The following NEFM variants were observed in gnomAD, a reference collection of about 807,000 sequenced individuals.
NEFM encodes neurofilament medium polypeptide.
A neutral mutation model predicts 48.1 loss-of-function variants in NEFM; 16 were observed. That is an observed-to-expected ratio of 0.33 (90% CI 0.23 to 0.51). NEFM has a LOEUF of 0.51. Ranked by LOEUF, NEFM falls within the 20% of genes least tolerant of loss-of-function variation. The pLI, the probability that NEFM is intolerant of heterozygous loss-of-function variation, is 0.98. For missense variants in NEFM, 1,107 were observed against 1,136.0 expected, an observed-to-expected ratio of 0.97 and a Z score of 0.37; for synonymous variants, 465 against 456.9, an observed-to-expected ratio of 1.02 and a Z score of -0.23.
At chr8:24,915,244 G>C (rs1325139538) in intron 1 of NEFM, 15 of 1,265,464 alleles carry the variant, frequency 1.2e-5, no homozygotes, top group Non-Finnish European at 1.5e-5. Context: ...GGCAGTGATC[G>C]GAAGAGCTCT....
rs1802624368 is a variant in NEFM, at chr8:24,918,845, G to C, written c.*239G>C. The C allele has an allele frequency of 3.9e-6, 2 of 506,468 alleles. No individual in the cohort carries two copies. Among genetic ancestry groups the C allele is most frequent in the East Asian group, 3.7e-5 (1 of 27,132 alleles). 31.4% of individuals were successfully genotyped at this position (506,468 alleles called of 1,614,324 possible). ...CGATTTCCTAAGCTGTTGGAAGGGG[G>C]TCACTTAAGGGGGGATGTCTTGAGA... On this transcript the variant is annotated 3_prime_UTR_variant, in exon 3 of 3. Coordinates refer to ENST00000221166, the MANE Select transcript of NEFM (RefSeq NM_005382.2).
chr8:24,916,423 TGACTAAGCGCAAAG>T (rs1802573926), intron 2 of NEFM, among the ~76,000 whole-genome samples: 1 of 152,220 alleles, frequency 6.6e-6, no homozygotes, highest in Non-Finnish European at 1.5e-5. Context: ...ACCTTGCTGT[TGACTAAGCGCAAAG>T]GACAAAATCG....
intron 2 of NEFM, among the ~76,000 whole-genome samples, chr8:24,916,573 A>G (rs1032218006): frequency 6.6e-6 from 1 of 152,216 alleles, no homozygotes; most frequent in African/African-American, 2.4e-5. Flanking sequence ...TTATGATAAA[A>G]ATTATCAACA....
rs1042092177 is a variant in NEFM, at chr8:24,917,248, G to A, written c.1393G>A (p.Glu465Lys). The change falls in exon 3 of 3, where the codon GAG (glutamate) becomes AAG (lysine). Residue 465 changes from glutamate to lysine, a missense_variant. Glu to Lys is a moderately conservative substitution (Grantham distance 56). Coordinates refer to ENST00000221166, the MANE Select transcript of NEFM (RefSeq NM_005382.2). ...CATAGAGGAAACCAAAGTGGAGGAT[G>A]AGAAGTCAGAAATGGAAGAGGCCCT... is the stretch of plus-strand genomic sequence containing the variant. ...EIIEETKVED[E>K]KSEMEEALTA... 2.5e-6 allele frequency: 4 copies of A among 1,614,162 alleles called. No individual in the cohort carries two copies. The highest frequency in any genetic ancestry group is 4.5e-5 in the East Asian group (2 of 44,872).
At position 24,917,922 on chromosome 8, in the gene NEFM, G is replaced by C; in HGVS notation, c.2067G>C (p.Glu689Asp). ...CTGTGCCAAAATCACCAGTGGAAGA[G>C]GCAAAGTCAAAAGCAGAAGTGGGGA... The part of the protein sequence containing the change: ...KSPVPKSPVE[E>D]AKSKAEVGKG... Residue 689 changes from glutamate to aspartate, a missense_variant, in exon 3 of 3, where the codon GAG becomes GAC. Glu to Asp is a conservative substitution (Grantham distance 45, BLOSUM62 2). Transcript: ENST00000221166. The C allele has an allele frequency of 6.2e-7, 1 of 1,614,088 alleles. No homozygotes were observed. The highest frequency in any genetic ancestry group is 8.5e-7 in the Non-Finnish European group (1 of 1,180,022).
chr8:24,918,007 G>T lies in NEFM; in HGVS notation c.2152G>T (p.Val718Leu). The T allele has an allele frequency of 6.3e-7, 1 of 1,593,040 alleles. No individual in the cohort carries two copies. ...EVKEAPKEEK[V>L]EKKEEKPKDV... is the part of the protein sequence containing the mutation. ...CAAGGAAGCTCCCAAGGAAGAGAAG[G>T]TAGAGAAAAAGGAAGAGAAACCAAA... The change falls in exon 3 of 3, where the codon GTA (valine) becomes TTA (leucine). Residue 718 changes from valine (V) to leucine (L), a missense_variant. Physicochemically the swap from Val to Leu is conservative, Grantham distance 32 (BLOSUM62 1). Around this residue, in one of 3 missense-constraint regions of NEFM, gnomAD observed 917 missense variants for 916.4 expected, o/e 1.00. Transcript: ENST00000221166.
Position 24,914,369 on chromosome 8 carries a change from G to T in NEFM, c.576G>T (p.Glu192Asp). 6.2e-7 allele frequency: 1 copy of T among 1,613,646 alleles called. No homozygotes were observed. Among genetic ancestry groups the T allele is most frequent in the Non-Finnish European group, 8.5e-7 (1 of 1,179,974 alleles). The part of the protein sequence containing the change: ...IHRLKERFEE[E>D]ARLRDDTEAA... Reference sequence around the variant, plus strand: ...GGCTCAAGGAGCGCTTTGAGGAGGAGGCGCGGTTGCGCGACGACACTGAGG... The same window carrying T: ...GGCTCAAGGAGCGCTTTGAGGAGGATGCGCGGTTGCGCGACGACACTGAGG... Residue 192 changes from glutamate to aspartate, a missense_variant, in exon 1 of 3, where the codon GAG (glutamate) becomes GAT (aspartate). Coordinates refer to ENST00000221166, the MANE Select transcript of NEFM (RefSeq NM_005382.2).
rs373028535 is a variant in NEFM at position 24,914,684 on chromosome 8, C to A, written c.891C>A (p.Ala297=). Residue 297 remains alanine (A), a synonymous_variant, in exon 1 of 3, where the codon GCC becomes GCA. Transcript: ENST00000221166. ...QAEEWFKCRY[A]KLTEAAEQNK... ...AAGAGTGGTTCAAATGCCGCTACGC[C>A]AAGCTCACCGAGGCGGCCGAGCAGA... 6.2e-7 allele frequency: 1 copy of A among 1,614,044 alleles called. No homozygotes were observed. The highest frequency in any genetic ancestry group is 1.3e-5 in the African/African-American group (1 of 74,944).
intron 1 of NEFM, 149 bp downstream of exon 1, chr8:24,915,022 A>T: frequency 1.4e-6 from 2 of 1,393,312 alleles, no homozygotes; most frequent in South Asian, 1.6e-5. Context: ...GTATTTGCGG[A>T]TCAGCGTCCT....
Position 24,915,494 on chromosome 8 carries a change from A to G in NEFM, c.1081-111A>G, listed in dbSNP as rs753329407. On this transcript the variant is annotated intron_variant, in intron 1 of 2. Coordinates refer to ENST00000221166, the MANE Select transcript of NEFM (RefSeq NM_005382.2). The stretch of plus-strand genomic sequence containing the variant: ...GGAGTCAGGTGTCAGCGAGGTTTGC[A>G]GAAGTGGAGGGAGACGGGAGGAGGC... 3.0e-4 allele frequency: 465 copies of G among 1,536,054 alleles called. 2 individuals carry two copies. Among genetic ancestry groups the G allele is most frequent in the Non-Finnish European group, 3.7e-4 (413 of 1,118,358 alleles).
chr8:24,915,324 G>T, intron 1 of NEFM: 1 of 1,300,846 alleles, frequency 7.7e-7, no homozygotes, highest in Non-Finnish European at 9.9e-7. Context: ...CCCCATGCAT[G>T]TTTGTGTCCT....
In NEFM at chr8:24,914,862, A is replaced by G; in HGVS notation, c.1069A>G (p.Ser357Gly). 6.3e-7 allele frequency: 1 copy of G among 1,592,450 alleles called. No homozygotes were observed. The highest frequency in any genetic ancestry group is 2.3e-5 in the East Asian group (1 of 43,774). ...DIEERHNHDL[S>G]SYQDTIQQLE... ...CGAGGAGCGCCACAACCACGACCTCAGCAGCTACCAGGTAGGAACCGCGGC... is the reference window on the plus strand; with the variant it reads ...CGAGGAGCGCCACAACCACGACCTCGGCAGCTACCAGGTAGGAACCGCGGC... The change falls in exon 1 of 3, where the codon AGC (serine) becomes GGC (glycine). Residue 357 changes from serine to glycine, a missense_variant. By Grantham distance (56) the Ser-to-Gly change is moderately conservative. Transcript: ENST00000221166.
intron 2 of NEFM, among the ~76,000 whole-genome samples, chr8:24,916,367 C>T (rs1802572964): frequency 2.0e-5 from 3 of 152,122 alleles, no homozygotes; most frequent in Non-Finnish European, 2.9e-5. Flanking sequence ...TATATATGAT[C>T]GTTTTATAGA....
rs2117220230 is a variant in NEFM, at chr8:24,914,780, C to T, written c.987C>T (p.Ile329=). The T allele has an allele frequency of 2.5e-6, 4 of 1,609,982 alleles. No homozygotes were observed. Among genetic ancestry groups the T allele is most frequent in the Non-Finnish European group, 3.4e-6 (4 of 1,178,460 alleles). The change falls in exon 1 of 3, where the codon ATC becomes ATT. Residue 329 remains isoleucine, a synonymous_variant. Transcript: ENST00000221166. ...GGCGCCAGCTGCAGTCCAAGAGCAT[C>T]GAGCTAGAGTCGGTGCGCGGCACCA... ...EYRRQLQSKS[I]ELESVRGTKE...
Position 24,914,979 on chromosome 8 carries a change from C to G in NEFM, c.1080+106C>G, listed in dbSNP as rs903963439. The G allele has an allele frequency of 1.5e-5, 21 of 1,424,232 alleles. 1 individual carries two copies. The highest frequency in any genetic ancestry group is 1.1e-4 in the South Asian group (7 of 64,786). The allele number at this position is 1,424,232 out of a possible 1,614,324, so 88.2% of individuals were successfully genotyped here. ...CCTCTCCGCCGCGCTCCCTGGTGGC[C>G]GCTCGCTAGAGCACGCGCGCCGCAG... On this transcript the variant is annotated intron_variant, in intron 1 of 2. Transcript: ENST00000221166.
At position 24,913,946 on chromosome 8, in the gene NEFM, C is replaced by T. The variant is rs1007379158; in HGVS notation, c.153C>T (p.Ser51=). The T allele has an allele frequency of 1.2e-6, 2 of 1,611,628 alleles. No individual in the cohort carries two copies. The highest frequency in any genetic ancestry group is 3.3e-5 in the Admixed American group (2 of 59,976). Reference sequence around the variant, plus strand: ...GCTCGCCCAGCACCGTGTCCTCCTCCTATAAGCGCAGCATGCTCGCCCCGC... The same window carrying T: ...GCTCGCCCAGCACCGTGTCCTCCTCTTATAAGCGCAGCATGCTCGCCCCGC... ...SRGSPSTVSS[S]YKRSMLAPRL... is the part of the protein sequence containing the mutation. The change falls in exon 1 of 3, where the codon TCC becomes TCT. Residue 51 remains serine (S), a synonymous_variant. Transcript: ENST00000221166.
Position 24,918,526 on chromosome 8 carries a change from G to A in NEFM, c.2671G>A (p.Glu891Lys), listed in dbSNP as rs1802617926. ...QKVEEHEETF[E>K]EKLVSTKKVE... ...GGTTGAAGAGCATGAAGAGACCTTT[G>A]AGGAGAAACTAGTGTCTACTAAAAA... Residue 891 changes from glutamate to lysine, a missense_variant, in exon 3 of 3, where the codon GAG becomes AAG. Coordinates refer to ENST00000221166, the MANE Select transcript of NEFM (RefSeq NM_005382.2). 2 of 1,613,982 alleles carry A rather than the reference G, an allele frequency of 1.2e-6. No homozygotes were observed. The highest frequency in any genetic ancestry group is 2.2e-5 in the East Asian group (1 of 44,882).
Position 24,918,100 on chromosome 8 carries a change from A to C in NEFM, c.2245A>C (p.Ile749Leu). The change falls in exon 3 of 3, where the codon ATC becomes CTC. Residue 749 changes from isoleucine to leucine, a missense_variant. By Grantham distance (5) the Ile-to-Leu change is conservative. This residue lies in a region of NEFM where 917 missense variants were observed against 916.4 expected (regional missense o/e 1.00). Transcript: ENST00000221166. ...GGAAGCTGTGGCAGAGGTGGTCACC[A>C]TCACCAAATCGGTAAAGGTGCACTT... ...KEEAVAEVVT[I>L]TKSVKVHLEK... 1 of 1,552,060 alleles carries C rather than the reference A, an allele frequency of 6.4e-7. No individual in the cohort carries two copies. Among genetic ancestry groups the C allele is most frequent in the Non-Finnish European group, 8.7e-7 (1 of 1,147,114 alleles).
At position 24,913,999 on chromosome 8, in the gene NEFM, G is replaced by C; in HGVS notation, c.206G>C (p.Ser69Thr). ...PRLAYSSAMLSSAESSLDFSQ... is the reference protein window; with the variant it reads ...PRLAYSSAMLTSAESSLDFSQ... Reference sequence around the variant, plus strand: ...CTCGCTTACAGCTCGGCCATGCTCAGCTCCGCCGAGAGCAGCCTTGACTTC... The same window carrying C: ...CTCGCTTACAGCTCGGCCATGCTCACCTCCGCCGAGAGCAGCCTTGACTTC... The change falls in exon 1 of 3, where the codon AGC becomes ACC. Residue 69 changes from serine to threonine, a missense_variant. Coordinates refer to ENST00000221166, the MANE Select transcript of NEFM (RefSeq NM_005382.2). 6.2e-7 allele frequency: 1 copy of C among 1,611,742 alleles called. No homozygotes were observed. Among genetic ancestry groups the C allele is most frequent in the Non-Finnish European group, 8.5e-7 (1 of 1,179,912 alleles).
Sources: allele counts gnomAD v4.1 joint callset (sites outside exome capture counted in the v4.1 genomes callset), GRCh38; gene constraint gnomAD v4.1.1; regional missense constraint gnomAD v4.1.1; transcripts MANE v1.5; gene names NCBI Gene and HGNC (gene_info 2026-07-23, HGNC 2026-07-21).